ACBD6: variants seen among roughly 807,000 people sequenced by gnomAD.
The protein encoded by ACBD6 is acyl-CoA-binding domain-containing protein 6.
A neutral mutation model predicts 37.2 loss-of-function variants in ACBD6; 28 were observed. That is an observed-to-expected ratio of 0.75 (90% CI 0.56 to 1.03). The LOEUF (loss-of-function observed/expected upper bound fraction) is 1.03, where lower values mean the gene tolerates loss of function less well. Among genes scored for constraint, ACBD6 ranks in the 50% least tolerant of loss-of-function variants. The pLI, the probability that ACBD6 is intolerant of heterozygous loss-of-function variation, is 0.00. For synonymous variants in ACBD6, 113 were observed against 126.8 expected (o/e 0.89, Z 0.73); for missense variants, 340 against 337.4 (o/e 1.01, Z -0.06).
At position 180,292,981 on chromosome 1, in the gene ACBD6, T is replaced by C. The variant is rs571531810; in HGVS notation, c.695-4464A>G. 5.9e-5 allele frequency among the ~76,000 whole-genome samples: 9 copies of C among 152,374 alleles called. No individual in the cohort carries two copies. In the South Asian group the frequency reaches 1.7e-3, roughly 28 times the overall value. Reference sequence around the variant, plus strand: ...TGTCAGCCTTTTCTACATAAATTGATAAAATCACATTTTGCTTTTTTGATC... The same window carrying C: ...TGTCAGCCTTTTCTACATAAATTGACAAAATCACATTTTGCTTTTTTGATC... On this transcript the variant is annotated intron_variant, in intron 7 of 7. Coordinates refer to ENST00000367595, the MANE Select transcript of ACBD6 (RefSeq NM_032360.4).
intron 6 of ACBD6, among the ~76,000 whole-genome samples, chr1:180,333,910 G>A (rs1393458352): frequency 2.6e-5 from 4 of 152,186 alleles, no homozygotes; most frequent in Admixed American, 6.5e-5. Flanking sequence ...ACGGAGCCTC[G>A]CTCATTGCTA....
intron 6 of ACBD6, among the ~76,000 whole-genome samples, chr1:180,379,817 A>T (rs1653572546): frequency 6.6e-6 from 1 of 152,242 alleles, no homozygotes; most frequent in African/African-American, 2.4e-5. Flanking sequence ...GGCAAAGAGA[A>T]AACAAAAGGT....
At chr1:180,329,720 A>C (rs1397558472) in intron 6 of ACBD6, among the ~76,000 whole-genome samples, 1 of 152,098 alleles carries the variant, frequency 6.6e-6, no homozygotes, top group Non-Finnish European at 1.5e-5. Flanking sequence ...TGGAATGACA[A>C]GTAAATAAAG....
intron 4 of ACBD6, among the ~76,000 whole-genome samples, chr1:180,416,077 T>C (rs1476205668): frequency 2.0e-5 from 3 of 152,150 alleles, no homozygotes; most frequent in African/African-American, 7.2e-5. Flanking sequence ...CAAGGCTGAA[T>C]GACGAATATA....
intron 7 of ACBD6, among the ~76,000 whole-genome samples, chr1:180,312,237 C>A (rs536589786): frequency 1.3e-5 from 2 of 152,206 alleles, no homozygotes; most frequent in Admixed American, 6.5e-5. Context: ...CTACTTAGGT[C>A]CTTTAAAAAT....
intron 7 of ACBD6, among the ~76,000 whole-genome samples, chr1:180,306,005 A>G (rs946150234): frequency 6.7e-6 from 1 of 150,338 alleles, no homozygotes; most frequent in Non-Finnish European, 1.5e-5. Context: ...AGGACAAAAA[A>G]CCAAACACCG....
chr1:180,340,653 CA>C (rs1262982237), intron 6 of ACBD6, among the ~76,000 whole-genome samples: 23 of 150,950 alleles, frequency 1.5e-4, no homozygotes, highest in Non-Finnish European at 4.4e-5. Context: ...AAAACAAAAA[CA>C]GGGGTGGGGG....
chr1:180,295,551 A>G (rs368849295), intron 7 of ACBD6, among the ~76,000 whole-genome samples: 1 of 151,862 alleles, frequency 6.6e-6, no homozygotes, highest in African/African-American at 2.4e-5. Context: ...TGGCAACTCT[A>G]TATTTAAGCA....
intron 1 of ACBD6, among the ~76,000 whole-genome samples, chr1:180,495,830 A>G (rs1651714770): frequency 1.3e-5 from 2 of 152,346 alleles, no homozygotes; most frequent in South Asian, 2.1e-4. Context: ...CAAGTTATCA[A>G]TATAGATTAA....
At chr1:180,318,905 T>C (rs1207949447) in intron 6 of ACBD6, among the ~76,000 whole-genome samples, 3 of 152,232 alleles carry the variant, frequency 2.0e-5, no homozygotes, top group African/African-American at 7.2e-5. Flanking sequence ...CCTATTTTGT[T>C]TTTAGCTATG....
intron 3 of ACBD6, among the ~76,000 whole-genome samples, chr1:180,452,124 G>A (rs60729009): frequency 0.036 from 5,498 of 152,200 alleles, 312 homozygotes; most frequent in African/African-American, 0.12. Context: ...GAAATTTATA[G>A]CACTAAATGC....
At chr1:180,443,626 G>A (rs1446350465) in intron 3 of ACBD6, among the ~76,000 whole-genome samples, 1 of 151,768 alleles carries the variant, frequency 6.6e-6, no homozygotes, top group African/African-American at 2.4e-5. Flanking sequence ...GTTTTGTTTT[G>A]TTTTTAGATG....
At chr1:180,334,454 C>T (rs1172864624) in intron 6 of ACBD6, among the ~76,000 whole-genome samples, 1 of 152,164 alleles carries the variant, frequency 6.6e-6, no homozygotes. Context: ...AGCTGAAGGT[C>T]CTGACTGTTA....
intron 6 of ACBD6, among the ~76,000 whole-genome samples, chr1:180,357,662 C>A (rs940798303): frequency 2.6e-5 from 4 of 152,138 alleles, no homozygotes; most frequent in Admixed American, 6.5e-5. Flanking sequence ...ATTCTATCAC[C>A]AGCACACATC....
intron 6 of ACBD6, among the ~76,000 whole-genome samples, chr1:180,374,986 A>C (rs1322779947): frequency 4.6e-5 from 7 of 152,176 alleles, no homozygotes; most frequent in Non-Finnish European, 8.8e-5. Context: ...AAGACACCCT[A>C]TATTCTTGTA....
At chr1:180,395,087 G>C (rs577218064) in intron 6 of ACBD6, among the ~76,000 whole-genome samples, 8 of 152,282 alleles carry the variant, frequency 5.3e-5, no homozygotes, top group Admixed American at 5.2e-4. Flanking sequence ...AGAGAAACAG[G>C]AATTCTCTCA....
chr1:180,389,001 G>A (rs1033664966), intron 6 of ACBD6, among the ~76,000 whole-genome samples: 4 of 150,976 alleles, frequency 2.6e-5, no homozygotes, highest in Non-Finnish European at 5.9e-5. Flanking sequence ...TAGATTCAAT[G>A]CAATTTTTTT....
intron 3 of ACBD6, among the ~76,000 whole-genome samples, chr1:180,491,491 G>T (rs1291900830): frequency 2.6e-5 from 4 of 151,968 alleles, no homozygotes; most frequent in Non-Finnish European, 4.4e-5. Context: ...GGATTCCCTA[G>T]CATTTACATT....
intron 3 of ACBD6, among the ~76,000 whole-genome samples, chr1:180,482,881 T>C (rs2102072988): frequency 6.6e-6 from 1 of 152,320 alleles, no homozygotes; most frequent in Non-Finnish European, 1.5e-5. Flanking sequence ...TGGGGCAAGG[T>C]ACTTGTTCTA....
Sources: gnomAD v4.1 joint callset for allele counts (sites outside exome capture counted in the v4.1 genomes callset) on GRCh38, gnomAD v4.1.1 for gene constraint, MANE v1.5 for transcripts, NCBI Gene and HGNC (gene_info 2026-07-23, HGNC 2026-07-21) for gene names.